SLN: variants seen among roughly 807,000 people sequenced by gnomAD.
SLN encodes sarcolipin.
For synonymous variants in SLN, 19 were observed against 14.4 expected, an observed-to-expected ratio of 1.32 and a Z score of -0.72; for missense variants, 34 against 37.4, an observed-to-expected ratio of 0.91 and a Z score of 0.24.
intron 1 of SLN, among the ~76,000 whole-genome samples, chr11:107,708,815 T>C (rs921978752): frequency 6.6e-6 from 1 of 152,240 alleles, no homozygotes; most frequent in South Asian, 2.1e-4. Context: ...TGGTTTAGTA[T>C]TGTTCTTGCT....
intron 1 of SLN, among the ~76,000 whole-genome samples, chr11:107,709,030 A>C (rs1001855909): frequency 3.9e-5 from 6 of 152,208 alleles, no homozygotes; most frequent in African/African-American, 1.4e-4. Flanking sequence ...TGTTAACTTC[A>C]TGGGTACTTC....
chr11:107,709,181 G>A (rs1039071861), intron 1 of SLN, among the ~76,000 whole-genome samples: 2 of 152,184 alleles, frequency 1.3e-5, no homozygotes, highest in Admixed American at 6.5e-5. Context: ...GAGAACATGT[G>A]CAATGAAGTC....
Position 107,707,760 on chromosome 11 carries a change from A to G in SLN, c.*75T>C. 1 of 1,038,740 alleles carries G rather than the reference A, an allele frequency of 9.6e-7. No individual in the cohort carries two copies. Among genetic ancestry groups the G allele is most frequent in the Non-Finnish European group, 1.5e-6 (1 of 661,180 alleles). 64.3% of individuals were successfully genotyped at this position (1,038,740 alleles called of 1,614,324 possible). ...GAGAATGGCATCCTGTGACAATGAC[A>G]GCAGTGGGGTCTCAGGGCATAGAGC... On this transcript the variant is annotated 3_prime_UTR_variant, in exon 2 of 2. Transcript: ENST00000305991.
chr11:107,707,969 G>C lies in SLN; in HGVS notation c.-39C>G. 6.8e-7 allele frequency: 1 copy of C among 1,465,010 alleles called. No individual in the cohort carries two copies. The highest frequency in any genetic ancestry group is 9.6e-7 in the Non-Finnish European group (1 of 1,043,896). The allele number at this position is 1,465,010 out of a possible 1,614,324, so 90.8% of individuals were successfully genotyped here. On this transcript the variant is annotated 5_prime_UTR_variant, in exon 2 of 2. Coordinates refer to ENST00000305991, the MANE Select transcript of SLN (RefSeq NM_003063.3). Reference sequence around the variant, plus strand: ...TGGTGAGAACTGCAGGCAGATTTCTGAGGGCACACCAAGGACCTCTGGCTT... The same window carrying C: ...TGGTGAGAACTGCAGGCAGATTTCTCAGGGCACACCAAGGACCTCTGGCTT...
chr11:107,709,844 G>A (rs1319516041), intron 1 of SLN, among the ~76,000 whole-genome samples: 3 of 152,032 alleles, frequency 2.0e-5, no homozygotes, highest in South Asian at 2.1e-4. Context: ...ATGGCTGGGC[G>A]TGGTGGCTCA....
At chr11:107,710,423 G>A (rs967099734) in intron 1 of SLN, among the ~76,000 whole-genome samples, 1 of 152,192 alleles carries the variant, frequency 6.6e-6, no homozygotes, top group African/African-American at 2.4e-5. Context: ...TGTTACCTTC[G>A]CAACAACTCA....
At chr11:107,711,864 C>A (rs1320370601) in intron 1 of SLN, 99 bp downstream of exon 1, 1 of 152,134 alleles carries the variant, frequency 6.6e-6, no homozygotes, top group Non-Finnish European at 1.5e-5. Context: ...AGGGGCATTG[C>A]CTATTTCATT....
At chr11:107,708,283 T>G (rs1488284765) in intron 1 of SLN, among the ~76,000 whole-genome samples, 3 of 151,808 alleles carry the variant, frequency 2.0e-5, no homozygotes, top group African/African-American at 7.3e-5. Context: ...TCAGAAGAGA[T>G]TAGGACACAG....
In SLN at chr11:107,707,972, G is replaced by GTCCTTGGTGT; in HGVS notation, c.-43_-42insACACCAAGGA. On this transcript the variant is annotated 5_prime_UTR_variant, in exon 2 of 2. Transcript: ENST00000305991. The stretch of plus-strand genomic sequence containing the variant: ...TGAGAACTGCAGGCAGATTTCTGAG[G>GTCCTTGGTGT]GCACACCAAGGACCTCTGGCTTCTC... The GTCCTTGGTGT allele has an allele frequency of 7.1e-7, 1 of 1,405,936 alleles. No individual in the cohort carries two copies. The highest frequency in any genetic ancestry group is 1.0e-6 in the Non-Finnish European group (1 of 989,820). 87.1% of individuals were successfully genotyped at this position (1,405,936 alleles called of 1,614,324 possible).
chr11:107,708,086 A>G, intron 1 of SLN, 81 bp from the exon 2 acceptor site: 1 of 635,580 alleles, frequency 1.6e-6, no homozygotes, highest in African/African-American at 1.8e-5. Context: ...CTCAAAGGAA[A>G]CAGAAGTGTT....
chr11:107,709,838 C>G (rs1000818378), intron 1 of SLN, among the ~76,000 whole-genome samples: 1 of 152,166 alleles, frequency 6.6e-6, no homozygotes, highest in Non-Finnish European at 1.5e-5. Flanking sequence ...TTACAAATGG[C>G]TGGGCGTGGT....
chr11:107,708,686 T>G (rs1391996737), intron 1 of SLN, among the ~76,000 whole-genome samples: 1 of 152,218 alleles, frequency 6.6e-6, no homozygotes, highest in Non-Finnish European at 1.5e-5. Flanking sequence ...TTTCATAAAA[T>G]GTGAAATATT....
chr11:107,711,120 T>C (rs1218902906), intron 1 of SLN, among the ~76,000 whole-genome samples: 2 of 152,062 alleles, frequency 1.3e-5, no homozygotes, highest in East Asian at 3.8e-4. Context: ...AGAATGGGGG[T>C]TGATCAAGAA....
rs1044906447 is a variant in SLN, at chr11:107,707,618, G to A, written c.*217C>T. 21 of 494,766 alleles carry A rather than the reference G, an allele frequency of 4.2e-5. No individual in the cohort carries two copies. Among genetic ancestry groups the A allele is most frequent in the Admixed American group, 3.8e-4 (11 of 28,722 alleles). 30.6% of individuals were successfully genotyped at this position (494,766 alleles called of 1,614,324 possible). On this transcript the variant is annotated 3_prime_UTR_variant, in exon 2 of 2. Coordinates refer to ENST00000305991, the MANE Select transcript of SLN (RefSeq NM_003063.3). Reference sequence around the variant, plus strand: ...TTAAGAGTTGGGGAATAAATCTACCGTTCCCTGGCAAACACTTGGCAGCCC... The same window carrying A: ...TTAAGAGTTGGGGAATAAATCTACCATTCCCTGGCAAACACTTGGCAGCCC...
chr11:107,707,639 A>T lies in SLN; in HGVS notation c.*196T>A, dbSNP rs779072687. The stretch of plus-strand genomic sequence containing the variant: ...TACCGTTCCCTGGCAAACACTTGGC[A>T]GCCCTTGGGAGCAGCATCTTTGGAG... On this transcript the variant is annotated 3_prime_UTR_variant, in exon 2 of 2. Transcript: ENST00000305991. 30 of 510,268 alleles carry T rather than the reference A, an allele frequency of 5.9e-5. No individual in the cohort carries two copies. Among genetic ancestry groups the T allele is most frequent in the Non-Finnish European group, 8.4e-5 (24 of 287,422 alleles). 31.6% of individuals were successfully genotyped at this position (510,268 alleles called of 1,614,324 possible).
At chr11:107,708,219 A>G (rs1867176090) in intron 1 of SLN, among the ~76,000 whole-genome samples, 1 of 152,146 alleles carries the variant, frequency 6.6e-6, no homozygotes, top group African/African-American at 2.4e-5. Context: ...GAGGTAAATA[A>G]GTTAAAATTA....
At chr11:107,708,245 C>T (rs1867176256) in intron 1 of SLN, among the ~76,000 whole-genome samples, 1 of 152,002 alleles carries the variant, frequency 6.6e-6, no homozygotes, top group Admixed American at 6.6e-5. Flanking sequence ...TTAAGGAGGG[C>T]CCTAATCCAA....
chr11:107,708,767 G>A (rs913327466), intron 1 of SLN, among the ~76,000 whole-genome samples: 13 of 152,268 alleles, frequency 8.5e-5, no homozygotes, highest in Non-Finnish European at 1.8e-4. Context: ...TTTCTTAAGA[G>A]TATCAATAAG....
In SLN at chr11:107,707,777, G is replaced by T; in HGVS notation, c.*58C>A. ...ACAATGACAGCAGTGGGGTCTCAGG[G>T]CATAGAGCAGGCAGCTCCGGAGCAT... On this transcript the variant is annotated 3_prime_UTR_variant, in exon 2 of 2. Coordinates refer to ENST00000305991, the MANE Select transcript of SLN (RefSeq NM_003063.3). 1.5e-6 allele frequency: 2 copies of T among 1,290,492 alleles called. No individual in the cohort carries two copies. Among genetic ancestry groups the T allele is most frequent in the South Asian group, 1.2e-5 (1 of 84,266 alleles). The allele number at this position is 1,290,492 out of a possible 1,614,324, so 79.9% of individuals were successfully genotyped here.
Sources: allele counts gnomAD v4.1 joint callset (sites outside exome capture counted in the v4.1 genomes callset), GRCh38; gene constraint gnomAD v4.1.1; transcripts MANE v1.5; gene names NCBI Gene and HGNC (gene_info 2026-07-23, HGNC 2026-07-21).